ZNF385D: variants seen among roughly 807,000 people sequenced by gnomAD.
ZNF385D encodes zinc finger protein 659.
Under a neutral mutation model 35.8 loss-of-function variants are expected in ZNF385D, and 15 were observed. The observed-to-expected ratio is 0.42, with a 90% CI of 0.28 to 0.64. ZNF385D has a LOEUF of 0.64. ZNF385D is among the 30% of genes least tolerant of loss of function. ZNF385D has a pLI of 0.23. For synonymous variants in ZNF385D, 212 were observed against 186.8 expected, an observed-to-expected ratio of 1.13 and a Z score of -1.10; for missense variants, 474 against 494.6, an observed-to-expected ratio of 0.96 and a Z score of 0.39.
At chr3:22,331,436 AAT>A (rs1694931882) in intron 2 of ZNF385D, among the ~76,000 whole-genome samples, 2 of 152,212 alleles carry the variant, frequency 1.3e-5, no homozygotes, top group South Asian at 4.1e-4. Flanking sequence ...GAAAACTTTG[AAT>A]ATTTACTTTA....
At chr3:21,793,873 C>A (rs575170548) in intron 3 of ZNF385D, among the ~76,000 whole-genome samples, 223 of 152,252 alleles carry the variant, frequency 1.5e-3, no homozygotes, top group African/African-American at 5.1e-3. Context: ...CAGGACAAGT[C>A]AGATTTCTAG....
At chr3:22,078,252 T>C (rs374628040) in intron 3 of ZNF385D, among the ~76,000 whole-genome samples, 1 of 152,016 alleles carries the variant, frequency 6.6e-6, no homozygotes, top group African/African-American at 2.4e-5. Context: ...GATTTGGTTG[T>C]TTGGTGTCTA....
At chr3:22,120,335 C>A (rs1338268171) in intron 3 of ZNF385D, among the ~76,000 whole-genome samples, 4 of 152,100 alleles carry the variant, frequency 2.6e-5, no homozygotes, top group African/African-American at 9.7e-5. Flanking sequence ...CACCTTCCCA[C>A]TGGGTCCTCA....
intron 2 of ZNF385D, among the ~76,000 whole-genome samples, chr3:22,277,292 G>A (rs1340291727): frequency 6.6e-6 from 1 of 152,062 alleles, no homozygotes; most frequent in East Asian, 1.9e-4. Context: ...TGGCAACAGG[G>A]GATTCAAGTA....
chr3:22,158,373 T>A (rs1705724367), intron 3 of ZNF385D, among the ~76,000 whole-genome samples: 2 of 152,116 alleles, frequency 1.3e-5, no homozygotes, highest in Non-Finnish European at 2.9e-5. Context: ...ACTTTATAGG[T>A]TTCCTTACTT....
chr3:21,845,438 T>A (rs767503227), intron 3 of ZNF385D, among the ~76,000 whole-genome samples: 3 of 152,020 alleles, frequency 2.0e-5, no homozygotes. Context: ...CTTTCTTCTC[T>A]TTAAATCCCT....
intron 3 of ZNF385D, among the ~76,000 whole-genome samples, chr3:21,983,546 T>G (rs1455507849): frequency 2.0e-5 from 3 of 146,852 alleles, no homozygotes; most frequent in Non-Finnish European, 4.5e-5. Context: ...TGCCACATTT[T>G]CTTCATGCAG....
At chr3:22,255,852 G>A (rs1700288428) in intron 2 of ZNF385D, among the ~76,000 whole-genome samples, 1 of 150,928 alleles carries the variant, frequency 6.6e-6, no homozygotes, top group Non-Finnish European at 1.5e-5. Flanking sequence ...AATACTGAGT[G>A]TCAAGTTGAT....
chr3:21,704,293 G>A (rs1292571574), intron 1 of ZNF385D, among the ~76,000 whole-genome samples: 1 of 152,032 alleles, frequency 6.6e-6, no homozygotes, highest in Non-Finnish European at 1.5e-5. Context: ...CCTGCCAATA[G>A]CTATTGCTAA....
At chr3:22,022,157 A>G (rs570849682) in intron 3 of ZNF385D, among the ~76,000 whole-genome samples, 3 of 152,258 alleles carry the variant, frequency 2.0e-5, no homozygotes, top group Admixed American at 1.3e-4. Flanking sequence ...TACATCACCT[A>G]GAATTATAAA....
intron 2 of ZNF385D, among the ~76,000 whole-genome samples, chr3:22,258,392 G>T (rs1254120273): frequency 6.6e-6 from 1 of 151,740 alleles, no homozygotes; most frequent in Non-Finnish European, 1.5e-5. Flanking sequence ...ATATTTAAAG[G>T]TTATAAAGTA....
At chr3:21,605,842 T>G (rs781250269) in intron 2 of ZNF385D, among the ~76,000 whole-genome samples, 8 of 152,206 alleles carry the variant, frequency 5.3e-5, no homozygotes, top group Non-Finnish European at 1.0e-4. Context: ...CTTAAAACAT[T>G]TGAACATAAA....
chr3:22,177,335 G>A (rs1303870375), intron 2 of ZNF385D, among the ~76,000 whole-genome samples: 1 of 152,116 alleles, frequency 6.6e-6, no homozygotes, highest in Non-Finnish European at 1.5e-5. Flanking sequence ...GTTTGCCCCA[G>A]AAAAATTTCT....
intron 3 of ZNF385D, among the ~76,000 whole-genome samples, chr3:21,511,923 T>C (rs1366427642): frequency 1.3e-5 from 2 of 150,034 alleles, no homozygotes; most frequent in Non-Finnish European, 3.0e-5. Context: ...CTGAGGTGGG[T>C]GGATCACGAG....
chr3:22,145,972 T>G, intron 3 of ZNF385D, among the ~76,000 whole-genome samples: 1 of 152,032 alleles, frequency 6.6e-6, no homozygotes. Flanking sequence ...GCAACAGGAT[T>G]CAAGCCAATG....
chr3:21,805,942 A>C (rs2072621122), intron 3 of ZNF385D, among the ~76,000 whole-genome samples: 1 of 152,216 alleles, frequency 6.6e-6, no homozygotes, highest in Non-Finnish European at 1.5e-5. Flanking sequence ...ACAAGATGGC[A>C]ATCTGGGAGA....
At chr3:21,585,974 G>A (rs1041950099) in intron 2 of ZNF385D, among the ~76,000 whole-genome samples, 1 of 152,054 alleles carries the variant, frequency 6.6e-6, no homozygotes, top group African/African-American at 2.4e-5. Context: ...TCCAAGACCA[G>A]TCTCGGCAAC....
At chr3:21,703,729 C>T (rs2067785421) in intron 1 of ZNF385D, among the ~76,000 whole-genome samples, 1 of 151,688 alleles carries the variant, frequency 6.6e-6, no homozygotes, top group East Asian at 1.9e-4. Context: ...CATGTTGGCT[C>T]ATGAAGCTGG....
At chr3:21,924,612 C>T (rs1700634504) in intron 3 of ZNF385D, among the ~76,000 whole-genome samples, 1 of 152,018 alleles carries the variant, frequency 6.6e-6, no homozygotes, top group Admixed American at 6.6e-5. Flanking sequence ...CTCCTGTACC[C>T]TTTACTCTTC....
Sources: gnomAD v4.1 joint callset for allele counts (sites outside exome capture counted in the v4.1 genomes callset) on GRCh38, gnomAD v4.1.1 for gene constraint, MANE v1.5 for transcripts, NCBI Gene and HGNC (gene_info 2026-07-23, HGNC 2026-07-21) for gene names.